Variants in EBF1 observed in about 807,000 individuals in gnomAD.
EBF1 encodes the protein EBF transcription factor 1.
EBF1 carries 10 observed loss-of-function variants against 68.4 expected under a neutral mutation model. The observed-to-expected ratio is 0.15, with a 90% confidence interval of 0.09 to 0.25. The LOEUF (loss-of-function observed/expected upper bound fraction) is 0.25, where lower values mean the gene tolerates loss of function less well. EBF1 is among the 10% of genes least tolerant of loss of function. The probability of loss-of-function intolerance (pLI) is 1.00; values close to 1 mark genes in which losing one functional copy is unlikely to be tolerated. For synonymous variants in EBF1, 298 were observed against 299.8 expected (o/e 0.99, Z 0.06); for missense variants, 509 against 794.4 (o/e 0.64, Z 4.32).
At chr5:159,098,195 G>A (rs2128014444) in intron 1 of EBF1, among the ~76,000 whole-genome samples, 1 of 152,366 alleles carries the variant, frequency 6.6e-6, no homozygotes. Flanking sequence ...TCAGCTGGTG[G>A]CTTAATGGGG....
intron 10 of EBF1, among the ~76,000 whole-genome samples, chr5:158,754,315 T>A (rs990852782): frequency 6.6e-6 from 1 of 152,132 alleles, no homozygotes; most frequent in Non-Finnish European, 1.5e-5. Flanking sequence ...AAGGCCATTC[T>A]CTACCTGTAG....
chr5:158,903,679 C>G (rs555222687), intron 6 of EBF1, among the ~76,000 whole-genome samples: 12 of 152,192 alleles, frequency 7.9e-5, no homozygotes, highest in African/African-American at 2.6e-4. Flanking sequence ...GTTTTAGCCA[C>G]TTCTACAAAT....
intron 6 of EBF1, among the ~76,000 whole-genome samples, chr5:158,864,417 G>A (rs1051746543): frequency 1.3e-5 from 2 of 152,054 alleles, no homozygotes; most frequent in Non-Finnish European, 2.9e-5. Context: ...CACAGACTAC[G>A]AGAATGAGGA....
At chr5:158,801,456 G>A (rs1444914248) in intron 8 of EBF1, among the ~76,000 whole-genome samples, 1 of 152,052 alleles carries the variant, frequency 6.6e-6, no homozygotes, top group East Asian at 1.9e-4. Flanking sequence ...TTGTATGAGA[G>A]TTGATCAAAG....
intron 15 of EBF1, among the ~76,000 whole-genome samples, chr5:158,701,236 T>A (rs1218613571): frequency 6.6e-6 from 1 of 152,076 alleles, no homozygotes; most frequent in Non-Finnish European, 1.5e-5. Flanking sequence ...TTCCCTATAG[T>A]ATAGTCACAC....
At chr5:158,723,952 G>A (rs552217188) in intron 11 of EBF1, among the ~76,000 whole-genome samples, 1 of 152,148 alleles carries the variant, frequency 6.6e-6, no homozygotes, top group East Asian at 1.9e-4. Context: ...ACACACACAG[G>A]AATTCTAAAT....
At chr5:158,766,962 AACTTTACAGTCTTGCATT>A (rs1772816699) in intron 10 of EBF1, among the ~76,000 whole-genome samples, 1 of 152,212 alleles carries the variant, frequency 6.6e-6, no homozygotes, top group Non-Finnish European at 1.5e-5. Context: ...AGAGGTTCAA[AACTTTACAGTCTTGCATT>A]ACATTGGCAA....
At position 158,714,099 on chromosome 5, in the gene EBF1, G is replaced by C. The variant is rs1410486800; in HGVS notation, c.1191+18C>G. On this transcript the variant is annotated intron_variant, in intron 12 of 15. Coordinates refer to ENST00000313708, the MANE Select transcript of EBF1 (RefSeq NM_024007.5). ...TGCATGTGGCAGTCCACACAGGCTA[G>C]ACACCCACAGCGCTCACCTGGTTGT... is the stretch of plus-strand genomic sequence containing the variant. 4.3e-6 allele frequency: 7 copies of C among 1,614,050 alleles called. No homozygotes were observed. The Admixed American group carries it at 1.2e-4, about 27-fold the overall frequency.
intron 6 of EBF1, among the ~76,000 whole-genome samples, chr5:159,044,953 T>G (rs900458957): frequency 6.6e-6 from 1 of 152,146 alleles, no homozygotes; most frequent in African/African-American, 2.4e-5. Context: ...AAACAAAGAT[T>G]CAAAAGAAGG....
intron 6 of EBF1, among the ~76,000 whole-genome samples, chr5:158,893,323 TC>T (rs1332594113): frequency 6.6e-6 from 1 of 152,218 alleles, no homozygotes; most frequent in Admixed American, 6.5e-5. Context: ...GTTAAGGCAT[TC>T]CTTATAAATC....
intron 6 of EBF1, among the ~76,000 whole-genome samples, chr5:158,952,850 G>A (rs754763349): frequency 9.9e-5 from 15 of 152,056 alleles, no homozygotes; most frequent in Non-Finnish European, 1.8e-4. Context: ...CTGCGGCTAG[G>A]GACATAAGGC....
chr5:158,732,655 G>T (rs1005218663), intron 10 of EBF1, among the ~76,000 whole-genome samples: 1 of 151,926 alleles, frequency 6.6e-6, no homozygotes, highest in African/African-American at 2.4e-5. Context: ...TTTTACACAG[G>T]TGAGTAAAAA....
intron 10 of EBF1, among the ~76,000 whole-genome samples, chr5:158,765,486 AC>A (rs2127633561): frequency 6.6e-6 from 1 of 152,310 alleles, no homozygotes; most frequent in South Asian, 2.1e-4. Flanking sequence ...CTCCATAATG[AC>A]TGGGAGTTGG....
At chr5:158,863,182 A>G (rs1026475838) in intron 6 of EBF1, among the ~76,000 whole-genome samples, 4 of 152,092 alleles carry the variant, frequency 2.6e-5, no homozygotes, top group African/African-American at 9.7e-5. Context: ...AAACTCTCTG[A>G]GCTCTCTTAA....
chr5:159,011,854 C>T (rs945311586), intron 6 of EBF1, among the ~76,000 whole-genome samples: 2 of 152,164 alleles, frequency 1.3e-5, no homozygotes, highest in African/African-American at 4.8e-5. Flanking sequence ...GAAAATAAAT[C>T]TTGCGCTTTA....
At chr5:159,014,460 T>C (rs1765281986) in intron 6 of EBF1, among the ~76,000 whole-genome samples, 1 of 152,220 alleles carries the variant, frequency 6.6e-6, no homozygotes. Context: ...ATGACACCCC[T>C]AACTAGAGTT....
chr5:158,904,247 T>C (rs1169388323), intron 6 of EBF1, among the ~76,000 whole-genome samples: 2 of 152,200 alleles, frequency 1.3e-5, no homozygotes, highest in Non-Finnish European at 2.9e-5. Flanking sequence ...TCACAGTGCC[T>C]GCTTGAGAGG....
chr5:158,883,016 TC>T (rs1799184589), intron 6 of EBF1, among the ~76,000 whole-genome samples: 3 of 152,200 alleles, frequency 2.0e-5, no homozygotes, highest in South Asian at 4.2e-4. Context: ...TTTTACTATT[TC>T]TTTATGGAAG....
intron 5 of EBF1, among the ~76,000 whole-genome samples, chr5:159,078,707 T>C (rs2127963022): frequency 6.6e-6 from 1 of 152,310 alleles, no homozygotes; most frequent in Non-Finnish European, 1.5e-5. Flanking sequence ...ATGTGGCCAG[T>C]CTCAGGCGTT....
Sources: allele counts gnomAD v4.1 joint callset (sites outside exome capture counted in the v4.1 genomes callset), GRCh38; gene constraint gnomAD v4.1.1; transcripts MANE v1.5; gene names NCBI Gene and HGNC (gene_info 2026-07-23, HGNC 2026-07-21).